The following ADAM22 variants were observed in gnomAD, a reference collection of about 807,000 sequenced individuals.
ADAM22 encodes disintegrin and metalloproteinase domain-containing protein 22.
A neutral mutation model predicts 144.6 loss-of-function variants in ADAM22; 65 were observed. That is an observed-to-expected ratio of 0.45 (90% CI 0.37 to 0.55). ADAM22 has a LOEUF of 0.55. ADAM22 is among the 20% of genes least tolerant of loss of function. The pLI, the probability that ADAM22 is intolerant of heterozygous loss-of-function variation, is 0.00. For missense variants in ADAM22, 974 were observed against 1,184.9 expected (o/e 0.82, Z 2.61); for synonymous variants, 391 against 412.6 (o/e 0.95, Z 0.63).
At chr7:88,060,815 G>A (rs1384799344) in intron 3 of ADAM22, among the ~76,000 whole-genome samples, 3 of 148,336 alleles carry the variant, frequency 2.0e-5, no homozygotes, top group African/African-American at 7.5e-5. Flanking sequence ...TCCATAAGAA[G>A]TGACTCGGCC....
intron 3 of ADAM22, among the ~76,000 whole-genome samples, chr7:88,010,227 C>G (rs1190730970): frequency 6.6e-6 from 1 of 152,162 alleles, no homozygotes; most frequent in Non-Finnish European, 1.5e-5. Context: ...GGTGCCAGAA[C>G]TGACCTAAAT....
At chr7:87,987,580 A>G (rs1359056631) in intron 3 of ADAM22, among the ~76,000 whole-genome samples, 1 of 152,232 alleles carries the variant, frequency 6.6e-6, no homozygotes, top group Non-Finnish European at 1.5e-5. Flanking sequence ...GGGTTCCCAG[A>G]CATATTTAAT....
At position 88,131,280 on chromosome 7, in the gene ADAM22, C is replaced by A; in HGVS notation, c.837C>A (p.Asp279Glu). 2 of 1,613,058 alleles carry A rather than the reference C, an allele frequency of 1.2e-6. No homozygotes were observed. Among genetic ancestry groups the A allele is most frequent in the South Asian group, 2.2e-5 (2 of 91,010 alleles). The part of the protein sequence containing the change: ...VVNMADLIYK[D>E]QLKTRIVLVA... ...TATTAATATACTAGATATATAAAGA[C>A]CAACTTAAGACCAGGATAGTATTGG... The change falls in exon 11 of 32, where the codon GAC becomes GAA. Residue 279 changes from aspartate (D) to glutamate (E), a missense_variant. Asp to Glu is a conservative substitution (Grantham distance 45). Transcript: ENST00000413139.
intron 2 of ADAM22, among the ~76,000 whole-genome samples, chr7:87,947,791 T>C (rs969519320): frequency 5.3e-5 from 8 of 152,200 alleles, no homozygotes; most frequent in Non-Finnish European, 8.8e-5. Context: ...TGTAGGGTTA[T>C]GGAATAAAAA....
In ADAM22 at chr7:87,934,340, A is replaced by G. The variant is rs1221479010; in HGVS notation, c.-126A>G. ...GAGGTTGCAGCGCCACGGCCGCCGC[A>G]GCACCGGCCGGGGCTGGGTGGAGGT... On this transcript the variant is annotated 5_prime_UTR_variant, in exon 1 of 32. Coordinates refer to ENST00000413139, the MANE Select transcript of ADAM22 (RefSeq NM_001324418.2). 3 of 808,014 alleles carry G rather than the reference A, an allele frequency of 3.7e-6. No individual in the cohort carries two copies. The highest frequency in any genetic ancestry group is 5.6e-6 in the Non-Finnish European group (3 of 538,640). The allele number at this position is 808,014 out of a possible 1,614,324, so 50.1% of individuals were successfully genotyped here. A position where few individuals can be genotyped will look rare whatever the true frequency, so the allele number is the denominator to read the frequency against.
At chr7:87,960,130 ATATTT>A (rs1484177821) in intron 2 of ADAM22, among the ~76,000 whole-genome samples, 1 of 152,228 alleles carries the variant, frequency 6.6e-6, no homozygotes, top group Non-Finnish European at 1.5e-5. Flanking sequence ...TATTTAATAA[ATATTT>A]TAATACTTAT....
intron 9 of ADAM22, among the ~76,000 whole-genome samples, chr7:88,130,172 A>G (rs1831402934): frequency 1.3e-5 from 2 of 152,206 alleles, no homozygotes; most frequent in East Asian, 1.9e-4. Context: ...TGAGGCTTCA[A>G]TCCTTTAAGA....
Position 88,202,351 on chromosome 7 carries a change from C to G in ADAM22, c.*5860C>G, listed in dbSNP as rs1851261091. 2 of 152,178 alleles carry G rather than the reference C, an allele frequency of 1.3e-5. No homozygotes were observed. Among genetic ancestry groups the G allele is most frequent in the East Asian group, 3.8e-4 (2 of 5,202 alleles). The allele number at this position is 152,178 out of a possible 1,614,324, so 9.4% of individuals were successfully genotyped here. ...AGCACCCCCAAAAGACAACTTCTTT[C>G]AGAAACGGGGTGTTTTACCTAAACA... On this transcript the variant is annotated 3_prime_UTR_variant, in exon 32 of 32. Coordinates refer to ENST00000413139, the MANE Select transcript of ADAM22 (RefSeq NM_001324418.2).
chr7:87,972,719 A>T (rs1457067947), intron 2 of ADAM22, among the ~76,000 whole-genome samples: 3 of 152,228 alleles, frequency 2.0e-5, no homozygotes, highest in African/African-American at 7.2e-5. Context: ...ACAGCATGGT[A>T]CTGGTACCAA....
chr7:88,108,244 A>G lies in ADAM22; in HGVS notation c.459A>G (p.Thr153=). 1.9e-6 allele frequency: 3 copies of G among 1,613,742 alleles called. No homozygotes were observed. The highest frequency in any genetic ancestry group is 2.5e-6 in the Non-Finnish European group (3 of 1,179,850). ...GNPDSFVALS[T]CHGLHGMFYD... is the part of the protein sequence containing the mutation. Reference sequence around the variant, plus strand: ...CTGACTCATTTGTTGCATTGTCAACATGCCACGGACTTCAGTAAGTGTTCA... The same window carrying G: ...CTGACTCATTTGTTGCATTGTCAACGTGCCACGGACTTCAGTAAGTGTTCA... The change falls in exon 5 of 32, where the codon ACA becomes ACG. Residue 153 remains threonine (T), a synonymous_variant. Transcript: ENST00000413139.
chr7:88,114,419 C>G (rs1563247706), intron 5 of ADAM22, among the ~76,000 whole-genome samples, 165 bp from the exon 6 acceptor site: 2 of 152,016 alleles, frequency 1.3e-5, no homozygotes, highest in Admixed American at 6.6e-5. Context: ...GAAGGAGGGG[C>G]CTTCCCTCTC....
At chr7:88,131,691 A>G in intron 11 of ADAM22, 1 of 499,224 alleles carries the variant, frequency 2.0e-6, no homozygotes, top group Non-Finnish European at 3.6e-6. Flanking sequence ...CTGAGTAAAA[A>G]TACTGCTAAT....
At chr7:88,106,566 A>T (rs1417273086) in intron 4 of ADAM22, among the ~76,000 whole-genome samples, 2 of 152,048 alleles carry the variant, frequency 1.3e-5, no homozygotes, top group Non-Finnish European at 2.9e-5. Flanking sequence ...CCTTTAAACC[A>T]CCCATCCTAT....
At chr7:87,995,694 A>G (rs1791018360) in intron 3 of ADAM22, among the ~76,000 whole-genome samples, 1 of 152,202 alleles carries the variant, frequency 6.6e-6, no homozygotes, top group African/African-American at 2.4e-5. Flanking sequence ...TTTGGTTCAA[A>G]TTTGAGAACC....
At chr7:88,129,659 A>G (rs1162163567) in intron 9 of ADAM22, among the ~76,000 whole-genome samples, 1 of 152,094 alleles carries the variant, frequency 6.6e-6, no homozygotes, top group African/African-American at 2.4e-5. Flanking sequence ...ATCCATAGAC[A>G]TCAGTAGACA....
intron 2 of ADAM22, among the ~76,000 whole-genome samples, chr7:87,936,603 T>G (rs1473964625): frequency 2.0e-5 from 3 of 152,112 alleles, no homozygotes; most frequent in Non-Finnish European, 2.9e-5. Context: ...ACGTATTTCT[T>G]TTTCTATTTC....
chr7:88,163,406 C>T (rs904967171), intron 23 of ADAM22, among the ~76,000 whole-genome samples: 3 of 152,054 alleles, frequency 2.0e-5, no homozygotes, highest in African/African-American at 7.2e-5. Context: ...TTCTCCCATC[C>T]TTCTTTTCTG....
chr7:88,155,488 C>G (rs1839681452), intron 21 of ADAM22, among the ~76,000 whole-genome samples: 1 of 149,084 alleles, frequency 6.7e-6, no homozygotes, highest in Admixed American at 6.7e-5. Flanking sequence ...CACCACTACA[C>G]TCCAACTTGG....
intron 25 of ADAM22, among the ~76,000 whole-genome samples, chr7:88,168,995 T>C (rs1586436554): frequency 6.6e-6 from 1 of 152,148 alleles, no homozygotes; most frequent in Non-Finnish European, 1.5e-5. Flanking sequence ...TGGACTTGCC[T>C]TTGTTCCATA....
Sources: allele counts gnomAD v4.1 joint callset (sites outside exome capture counted in the v4.1 genomes callset), GRCh38; gene constraint gnomAD v4.1.1; transcripts MANE v1.5; gene names NCBI Gene and HGNC (gene_info 2026-07-23, HGNC 2026-07-21).